Variants in PTPRN2 observed in about 807,000 individuals in gnomAD.
PTPRN2 encodes the protein protein tyrosine phosphatase receptor type N2.
A neutral mutation model predicts 118.8 loss-of-function variants in PTPRN2; 74 were observed. The ratio of observed to expected loss-of-function variants is 0.62; its 90% CI spans 0.52 to 0.76. The LOEUF (loss-of-function observed/expected upper bound fraction) is 0.76, where lower values mean the gene tolerates loss of function less well. Among genes scored for constraint, PTPRN2 ranks in the 30% least tolerant of loss-of-function variants. The pLI, the probability that PTPRN2 is intolerant of heterozygous loss-of-function variation, is 0.00. For missense variants in PTPRN2, 1,481 were observed against 1,394.4 expected (o/e 1.06, Z -0.99); for synonymous variants, 641 against 608.0 (o/e 1.05, Z -0.80).
Position 158,563,302 on chromosome 7 carries a change from C to T in PTPRN2, c.112+24256G>A, listed in dbSNP as rs1007094998. Among the ~76,000 whole-genome samples, 11 of 152,208 alleles carry T rather than the reference C, an allele frequency of 7.2e-5. No individual in the cohort carries two copies. Among genetic ancestry groups the T allele is most frequent in the Non-Finnish European group, 1.5e-4 (10 of 68,038 alleles). ...CCCCAGCATCAACTTCGCCAATAGC[C>T]TTGTGCTTCTCGTTCAAAGCAAGAA... On this transcript the variant is annotated intron_variant, in intron 1 of 22. Transcript: ENST00000389418. The surrounding 1 kb of genome is among the most constrained non-coding windows in gnomAD (Gnocchi z 5.1).
At chr7:157,737,300 G>A (rs1039624083) in intron 12 of PTPRN2, among the ~76,000 whole-genome samples, 4 of 152,170 alleles carry the variant, frequency 2.6e-5, no homozygotes, top group South Asian at 2.1e-4. Context: ...GTGTGGACGC[G>A]GCCCCCAGCA....
In PTPRN2 at chr7:158,182,393, A is replaced by G. The variant is rs547318467; in HGVS notation, c.549+9934T>C. Among the ~76,000 whole-genome samples the G allele has an allele frequency of 1.7e-3, 261 of 152,326 alleles. 2 individuals carry two copies. The highest frequency in any genetic ancestry group is 6.0e-3 in the African/African-American group (249 of 41,570). On this transcript the variant is annotated intron_variant, in intron 5 of 22. Transcript: ENST00000389418. The stretch of plus-strand genomic sequence containing the variant: ...AAAAGACGGGATACACGTGCAGAAC[A>G]TGCAGGTTTGTTACCTATGTATATG...
intron 11 of PTPRN2, among the ~76,000 whole-genome samples, chr7:157,969,418 T>C (rs569355664): frequency 6.6e-6 from 1 of 152,296 alleles, no homozygotes; most frequent in South Asian, 2.1e-4. Context: ...CTGCCAGTAT[T>C]TCCTCTTTGC....
intron 12 of PTPRN2, among the ~76,000 whole-genome samples, chr7:157,743,186 T>C (rs966991051): frequency 6.6e-6 from 1 of 152,194 alleles, no homozygotes; most frequent in Non-Finnish European, 1.5e-5. Flanking sequence ...AGGAGGTCTC[T>C]TGGGGTGAGG....
intron 6 of PTPRN2, among the ~76,000 whole-genome samples, chr7:158,154,710 A>G (rs2150546482): frequency 6.6e-6 from 1 of 152,154 alleles, no homozygotes; most frequent in African/African-American, 2.4e-5. Flanking sequence ...CTCATCTGAA[A>G]AAGAAACTTT....
intron 12 of PTPRN2, among the ~76,000 whole-genome samples, chr7:157,710,029 TG>T (rs1293702464): frequency 6.6e-6 from 1 of 151,948 alleles, no homozygotes; most frequent in Non-Finnish European, 1.5e-5. Flanking sequence ...GGTGGCTCTG[TG>T]GGGGTCGGAC....
At chr7:158,283,872 C>T (rs576787973) in intron 3 of PTPRN2, among the ~76,000 whole-genome samples, 3 of 152,270 alleles carry the variant, frequency 2.0e-5, no homozygotes, top group South Asian at 2.1e-4. Context: ...AGAATCACCA[C>T]GTCGTTCAGA....
At position 157,540,918 on chromosome 7, in the gene PTPRN2, CAGAA is replaced by C. The variant is rs1339027660; in HGVS notation, c.2977-137_2977-134del. The C allele has an allele frequency of 2.1e-4, 145 of 691,220 alleles. 1 individual carries two copies. The East Asian group carries it at 4.0e-3, about 19-fold the overall frequency. 42.8% of individuals were successfully genotyped at this position (691,220 alleles called of 1,614,324 possible). On this transcript the variant is annotated intron_variant, in intron 22 of 22. Transcript: ENST00000389418. ...AGCATCAGCTCCCCGGGCCATTTCGCAGAAAGAAATTGTTTAGCAAAAAAAAGCA... is the reference window on the plus strand; with the variant it reads ...AGCATCAGCTCCCCGGGCCATTTCGCAGAAATTGTTTAGCAAAAAAAAGCA...
chr7:158,403,539 T>G (rs1813106608), intron 2 of PTPRN2, among the ~76,000 whole-genome samples: 1 of 152,192 alleles, frequency 6.6e-6, no homozygotes, highest in Non-Finnish European at 1.5e-5. Context: ...CCCAAACCCC[T>G]GGGTGTGGCC....
chr7:158,229,076 G>A (rs1829003289), intron 3 of PTPRN2, among the ~76,000 whole-genome samples: 2 of 151,882 alleles, frequency 1.3e-5, no homozygotes, highest in African/African-American at 4.8e-5. Flanking sequence ...TCCCCTTTGA[G>A]ACCTCTCCCA....
intron 6 of PTPRN2, among the ~76,000 whole-genome samples, chr7:158,140,891 C>T (rs1300499765): frequency 6.6e-6 from 1 of 152,204 alleles, no homozygotes; most frequent in African/African-American, 2.4e-5. Context: ...ACCTGACTTT[C>T]TTTTGTATTC....
intron 2 of PTPRN2, among the ~76,000 whole-genome samples, chr7:158,340,590 G>A (rs867815151): frequency 0.026 from 2,782 of 108,370 alleles, 1 homozygote; most frequent in African/African-American, 0.09. Context: ...GCCGACGCCC[G>A]CAGACATCAC....
chr7:158,515,035 A>G (rs899581647), intron 1 of PTPRN2, among the ~76,000 whole-genome samples: 4 of 152,206 alleles, frequency 2.6e-5, no homozygotes, highest in Non-Finnish European at 5.9e-5. Context: ...TTTGTGCCGA[A>G]CATTTACGAT....
intron 3 of PTPRN2, among the ~76,000 whole-genome samples, chr7:158,283,439 C>G (rs917251497): frequency 6.6e-6 from 1 of 152,192 alleles, no homozygotes; most frequent in Non-Finnish European, 1.5e-5. Context: ...GAGACCACCA[C>G]TGAGAGGGTA....
intron 3 of PTPRN2, among the ~76,000 whole-genome samples, chr7:158,213,376 A>T (rs1827746731): frequency 6.6e-6 from 1 of 152,124 alleles, no homozygotes; most frequent in Non-Finnish European, 1.5e-5. Context: ...TAGATTTTTT[A>T]AATGTTATAG....
chr7:157,601,066 C>G (rs960853238), intron 16 of PTPRN2, among the ~76,000 whole-genome samples: 4 of 152,190 alleles, frequency 2.6e-5, no homozygotes, highest in African/African-American at 9.7e-5. Flanking sequence ...TTTGAGTGGG[C>G]TGTTGCGTGA....
chr7:158,085,588 C>CCA (rs1813302740), intron 10 of PTPRN2, among the ~76,000 whole-genome samples: 2 of 117,962 alleles, frequency 1.7e-5, no homozygotes, highest in South Asian at 3.3e-4. Context: ...CGACGCCCAT[C>CCA]CAGATACCCA....
rs960064607 is a variant in PTPRN2, at chr7:157,619,781, C to G, written c.2344+1581G>C. On this transcript the variant is annotated intron_variant, in intron 15 of 22. Transcript: ENST00000389418. This position sits in a 1 kb window ranked among gnomAD's most constrained non-coding sequence, Gnocchi z 5.3. ...TCACTGTTCTGACCTGTAACACTTC[C>G]TGAGGGCTGGAAGGAGGGCAAGGGC... Among the ~76,000 whole-genome samples the G allele has an allele frequency of 6.6e-6, 1 of 152,144 alleles. No individual in the cohort carries two copies. Among genetic ancestry groups the G allele is most frequent in the Admixed American group, 6.5e-5 (1 of 15,274 alleles).
chr7:158,276,020 C>T (rs1397161360), intron 3 of PTPRN2, among the ~76,000 whole-genome samples: 1 of 152,180 alleles, frequency 6.6e-6, no homozygotes, highest in African/African-American at 2.4e-5. Flanking sequence ...CCCTCTGACT[C>T]TGCTGCCTGA....
Sources: gnomAD v4.1 joint callset for allele counts (sites outside exome capture counted in the v4.1 genomes callset) on GRCh38, gnomAD v4.1.1 for gene constraint, Gnocchi (gnomAD v3.1) non-coding constraint, MANE v1.5 for transcripts, NCBI Gene and HGNC (gene_info 2026-07-23, HGNC 2026-07-21) for gene names.